Variants in NUP153 observed in about 807,000 individuals in gnomAD.
NUP153 encodes nucleoporin 153.
NUP153 carries 27 observed loss-of-function variants against 134.6 expected under a neutral mutation model. That is an observed-to-expected ratio of 0.20 (90% CI 0.15 to 0.28). The LOEUF (loss-of-function observed/expected upper bound fraction) is 0.28, where lower values mean the gene tolerates loss of function less well. NUP153 is among the 10% of genes least tolerant of loss of function. The pLI, the probability that NUP153 is intolerant of heterozygous loss-of-function variation, is 1.00. For synonymous variants in NUP153, 640 were observed against 623.5 expected (o/e 1.03, Z -0.40); for missense variants, 1,821 against 1,731.3 (o/e 1.05, Z -0.92).
intron 14 of NUP153, among the ~76,000 whole-genome samples, chr6:17,644,643 T>C (rs1053130190): frequency 5.9e-5 from 9 of 151,774 alleles, no homozygotes; most frequent in African/African-American, 2.2e-4. Context: ...AAAACCACCA[T>C]TATAAAAAAA....
intron 1 of NUP153, among the ~76,000 whole-genome samples, chr6:17,702,973 G>A (rs1029055089): frequency 1.3e-5 from 2 of 152,048 alleles, no homozygotes; most frequent in Non-Finnish European, 2.9e-5. Context: ...GGCTGTGGCG[G>A]GTGGATCACC....
intron 14 of NUP153, 31 bp downstream of exon 14, chr6:17,646,036 G>GT (rs1452645537): frequency 1.0e-6 from 1 of 971,866 alleles, no homozygotes; most frequent in Admixed American, 2.0e-5. Flanking sequence ...GCAATTGTTT[G>GT]TATGTTAAAA....
chr6:17,693,242 G>C (rs1226775383), intron 1 of NUP153, among the ~76,000 whole-genome samples: 1 of 149,432 alleles, frequency 6.7e-6, no homozygotes, highest in East Asian at 2.0e-4. Flanking sequence ...ATTTGATGCT[G>C]TGCTGGTATC....
At chr6:17,678,639 C>T (rs1414560578) in intron 2 of NUP153, among the ~76,000 whole-genome samples, 1 of 152,052 alleles carries the variant, frequency 6.6e-6, no homozygotes, top group African/African-American at 2.4e-5. Context: ...CTTCTATGTG[C>T]TATCTTCCTA....
chr6:17,648,651 T>TA (rs1766342854), intron 12 of NUP153, among the ~76,000 whole-genome samples: 1 of 151,746 alleles, frequency 6.6e-6, no homozygotes, highest in South Asian at 2.1e-4. Flanking sequence ...AAAATTTTTT[T>TA]AATTAGCTGG....
At chr6:17,665,724 GT>G (rs987932482) in intron 8 of NUP153, among the ~76,000 whole-genome samples, 99 of 145,712 alleles carry the variant, frequency 6.8e-4, no homozygotes, top group Admixed American at 1.8e-3. Context: ...ACAGTTTTTT[GT>G]TTTTTTTTTT....
chr6:17,697,923 C>T (rs1382024844), intron 1 of NUP153, among the ~76,000 whole-genome samples: 1 of 152,168 alleles, frequency 6.6e-6, no homozygotes, highest in Non-Finnish European at 1.5e-5. Flanking sequence ...TGGCCAACTC[C>T]TTGTCATTCC....
chr6:17,639,639 G>A (rs980280558), intron 15 of NUP153, among the ~76,000 whole-genome samples: 1 of 152,138 alleles, frequency 6.6e-6, no homozygotes. Flanking sequence ...ATAAGAGAAA[G>A]ACATGTCTAT....
chr6:17,643,281 T>C (rs1003725575), intron 14 of NUP153, among the ~76,000 whole-genome samples: 5 of 152,186 alleles, frequency 3.3e-5, no homozygotes, highest in African/African-American at 1.2e-4. Context: ...AAGACCAGCC[T>C]GGCAACATGA....
chr6:17,690,426 T>C (rs1026465997), intron 1 of NUP153, among the ~76,000 whole-genome samples: 18 of 151,956 alleles, frequency 1.2e-4, no homozygotes, highest in Non-Finnish European at 2.2e-4. Flanking sequence ...TAGGGTAAAA[T>C]TGGAGGACCT....
chr6:17,686,149 A>T lies in NUP153; in HGVS notation c.334+2247T>A, dbSNP rs983761884. ...GGTAACAGAATGAGATCTTGTCTTT[A>T]AAAAAAAGAAAGAAAGAAAGAAAGA... On this transcript the variant is annotated intron_variant, in intron 2 of 21. Coordinates refer to ENST00000262077, the MANE Select transcript of NUP153 (RefSeq NM_005124.4). Among the ~76,000 whole-genome samples the T allele has an allele frequency of 1.2e-4, 7 of 60,432 alleles. No individual in the cohort carries two copies. The South Asian group carries it at 6.2e-3, about 54-fold the overall frequency. 39.6% of individuals were successfully genotyped at this position (60,432 alleles called of 152,430 possible).
In NUP153 at chr6:17,675,714, G is replaced by T. The variant is rs753711674; in HGVS notation, c.391C>A (p.Leu131Ile). ...GAAAAATTCAGATGGCTCCGATGAA[G>T]AGAAGGCCTTGTTAACACATCTGGA... ...NYPDVLTRPS[L>I]HRSHLNFSML... Residue 131 changes from leucine (L) to isoleucine (I), a missense_variant, in exon 3 of 22, where the codon CTT becomes ATT. Coordinates refer to ENST00000262077, the MANE Select transcript of NUP153 (RefSeq NM_005124.4). This position sits in a 1 kb window ranked among gnomAD's most constrained non-coding sequence, Gnocchi z 4.4. 6.2e-7 allele frequency: 1 copy of T among 1,614,010 alleles called. No homozygotes were observed. The highest frequency in any genetic ancestry group is 1.7e-5 in the Admixed American group (1 of 60,022).
Position 17,706,481 on chromosome 6 carries a change from C to G in NUP153, c.-94G>C, listed in dbSNP as rs771181912. On this transcript the variant is annotated 5_prime_UTR_variant, in exon 1 of 22. Transcript: ENST00000262077. The surrounding 1 kb of genome is among the most constrained non-coding windows in gnomAD (Gnocchi z 5.9). ...AGAGAGCCTCCCCCGCCGCCCGGCCCCGGCCCAAAAGTCCGCCCGCGCTGT... is the reference window on the plus strand; with the variant it reads ...AGAGAGCCTCCCCCGCCGCCCGGCCGCGGCCCAAAAGTCCGCCCGCGCTGT... 1.0e-6 allele frequency: 1 copy of G among 971,586 alleles called. No homozygotes were observed. Among genetic ancestry groups the G allele is most frequent in the Non-Finnish European group, 1.5e-6 (1 of 661,096 alleles). The allele number at this position is 971,586 out of a possible 1,614,324, so 60.2% of individuals were successfully genotyped here. A position where few individuals can be genotyped will look rare whatever the true frequency, so the allele number is the denominator to read the frequency against.
In NUP153 at chr6:17,616,528, C is replaced by T; in HGVS notation, c.4342G>A (p.Gly1448Arg). 1 of 1,603,196 alleles carries T rather than the reference C, an allele frequency of 6.2e-7. No homozygotes were observed. Among genetic ancestry groups the T allele is most frequent in the African/African-American group, 1.3e-5 (1 of 74,434 alleles). Residue 1448 changes from glycine (G) to arginine (R), a missense_variant and splice_region_variant, in exon 21 of 22, where the codon GGG (glycine) becomes AGG (arginine). Gly to Arg is a moderately radical substitution (Grantham distance 125). Coordinates refer to ENST00000262077, the MANE Select transcript of NUP153 (RefSeq NM_005124.4). ...FNQSPAAFTV[G>R]SNGKNVFSSS... ...CATTTCAATAAAAAATTCTCTTACC[C>T]CACTGTAAATGCTGCTGGAGACTGG...
chr6:17,705,856 A>T lies in NUP153; in HGVS notation c.111+421T>A, dbSNP rs1385880911. Among the ~76,000 whole-genome samples the T allele has an allele frequency of 2.6e-5, 4 of 151,830 alleles. No individual in the cohort carries two copies. The East Asian group carries it at 7.8e-4, about 29-fold the overall frequency. On this transcript the variant is annotated intron_variant, in intron 1 of 21. Transcript: ENST00000262077. ...GGGGCAGCCCCCCCTCCTCAAACAC[A>T]CTAAAGAAGGGACACCAGAAAACAG... is the stretch of plus-strand genomic sequence containing the variant.
intron 8 of NUP153, among the ~76,000 whole-genome samples, chr6:17,667,838 T>TC (rs1048217498): frequency 5.1e-4 from 77 of 152,310 alleles, no homozygotes; most frequent in African/African-American, 1.8e-3. Context: ...TGTATTTTTT[T>TC]CCCACAGTAA....
At chr6:17,674,830 A>G (rs1348494144) in intron 5 of NUP153, 75 bp downstream of exon 5, 1 of 1,153,596 alleles carries the variant, frequency 8.7e-7, no homozygotes, top group Non-Finnish European at 1.2e-6. Flanking sequence ...TTTTGAGCAC[A>G]AAGTAATTTA....
chr6:17,642,011 C>T (rs1421449666), intron 14 of NUP153, among the ~76,000 whole-genome samples: 2 of 151,868 alleles, frequency 1.3e-5, no homozygotes, highest in African/African-American at 4.8e-5. Flanking sequence ...TAAGTGTTTG[C>T]CAATTTAAAA....
chr6:17,624,368 C>G (rs1581661874), intron 20 of NUP153, among the ~76,000 whole-genome samples, 193 bp downstream of exon 20: 1 of 152,246 alleles, frequency 6.6e-6, no homozygotes, highest in East Asian at 1.9e-4. Context: ...ACATTACTAC[C>G]TTAAAAAAGT....
Sources: allele counts gnomAD v4.1 joint callset (sites outside exome capture counted in the v4.1 genomes callset), GRCh38; gene constraint gnomAD v4.1.1; non-coding constraint Gnocchi (gnomAD v3.1); transcripts MANE v1.5; gene names NCBI Gene and HGNC (gene_info 2026-07-23, HGNC 2026-07-21).